SORCS3: variants seen among roughly 807,000 people sequenced by gnomAD.
SORCS3 encodes the protein VPS10 domain-containing receptor SorCS3.
In SORCS3, 57 loss-of-function variants were observed where a neutral mutation model predicts 146.3. The observed-to-expected ratio is 0.39, with a 90% CI of 0.31 to 0.49. SORCS3 has a LOEUF of 0.49. SORCS3 is among the 20% of genes least tolerant of loss of function. The pLI, the probability that SORCS3 is intolerant of heterozygous loss-of-function variation, is 0.92. For missense variants in SORCS3, 1,341 were observed against 1,575.5 expected, an observed-to-expected ratio of 0.85 and a Z score of 2.52; for synonymous variants, 653 against 618.5, an observed-to-expected ratio of 1.06 and a Z score of -0.83.
intron 4 of SORCS3, among the ~76,000 whole-genome samples, chr10:105,031,372 T>C (rs1346868510): frequency 6.6e-6 from 1 of 151,848 alleles, no homozygotes; most frequent in African/African-American, 2.4e-5. Context: ...CAAAAACATG[T>C]ATGTTTGTTT....
At chr10:105,145,295 A>C (rs2056123149) in intron 8 of SORCS3, among the ~76,000 whole-genome samples, 1 of 152,080 alleles carries the variant, frequency 6.6e-6, no homozygotes, top group Non-Finnish European at 1.5e-5. Context: ...TAGCTTTGGC[A>C]AATTAAGGAA....
chr10:105,051,520 C>T (rs1475942185), intron 5 of SORCS3, among the ~76,000 whole-genome samples: 1 of 152,098 alleles, frequency 6.6e-6, no homozygotes. Flanking sequence ...CTTAAAGACT[C>T]AGCTGCCAAG....
chr10:104,840,857 A>G (rs538601453), intron 1 of SORCS3, among the ~76,000 whole-genome samples: 1 of 9,894 alleles, frequency 1.0e-4, no homozygotes, highest in South Asian at 3.2e-3. Context: ...AAAAAATGAA[A>G]TGGTCTGACT....
At chr10:105,097,215 C>T (rs1448114180) in intron 6 of SORCS3, among the ~76,000 whole-genome samples, 1 of 152,228 alleles carries the variant, frequency 6.6e-6, no homozygotes, top group Admixed American at 6.5e-5. Flanking sequence ...TACTCCTAGT[C>T]TCCCTCTATA....
chr10:105,105,550 T>C, intron 7 of SORCS3, 35 bp downstream of exon 7: 1 of 1,475,606 alleles, frequency 6.8e-7, no homozygotes. Flanking sequence ...GGTAGGAGGA[T>C]GCATCGTTGA....
intron 1 of SORCS3, among the ~76,000 whole-genome samples, chr10:104,656,830 G>A (rs1303392145): frequency 6.6e-6 from 1 of 152,214 alleles, no homozygotes; most frequent in African/African-American, 2.4e-5. Flanking sequence ...TAGCTGGAGA[G>A]GTTGATGGCT....
At chr10:105,216,827 G>A in intron 18 of SORCS3, 109 bp from the exon 19 acceptor site, 1 of 1,060,398 alleles carries the variant, frequency 9.4e-7, no homozygotes, top group Non-Finnish European at 1.4e-6. Context: ...CAGCCCTTTG[G>A]GAAAGACTAT....
intron 7 of SORCS3, among the ~76,000 whole-genome samples, chr10:105,119,173 T>C (rs7088615): frequency 0.51 from 77,335 of 152,014 alleles, 19,963 homozygotes; most frequent in Admixed American, 0.55. Flanking sequence ...AAGGGACCAA[T>C]GTACAGCTCA....
At chr10:104,878,981 T>C (rs1429232167) in intron 2 of SORCS3, among the ~76,000 whole-genome samples, 1 of 152,088 alleles carries the variant, frequency 6.6e-6, no homozygotes, top group African/African-American at 2.4e-5. Flanking sequence ...ATCAGCAAAT[T>C]CGGTGGTTCT....
chr10:104,900,566 A>T (rs2018841440), intron 2 of SORCS3, among the ~76,000 whole-genome samples: 1 of 152,108 alleles, frequency 6.6e-6, no homozygotes, highest in South Asian at 2.1e-4. Flanking sequence ...TATTCTACTG[A>T]TCTGAACTTA....
chr10:105,227,706 T>G (rs986751719), intron 20 of SORCS3, among the ~76,000 whole-genome samples: 4 of 152,160 alleles, frequency 2.6e-5, no homozygotes. Context: ...ATATTTGCTT[T>G]GTATATCTGG....
intron 3 of SORCS3, among the ~76,000 whole-genome samples, chr10:104,940,241 T>TTA (rs2019304932): frequency 3.0e-5 from 1 of 33,572 alleles, no homozygotes; most frequent in Non-Finnish European, 4.8e-5. Flanking sequence ...TATATATATT[T>TTA]TTTTTTTTTT....
At position 105,263,345 on chromosome 10, in the gene SORCS3, A is replaced by G. The variant is rs2056972783; in HGVS notation, c.3640A>G (p.Lys1214Glu). ...IATIANSEST[K>E]EIPNCTSV ...CACTATTGCAAACAGCGAAAGCACA[A>G]AGGAGATCCCCAACTGCACTAGTGT... The change falls in exon 27 of 27, where the codon AAG becomes GAG. Residue 1214 changes from lysine (K) to glutamate (E), a missense_variant. Coordinates refer to ENST00000369701, the MANE Select transcript of SORCS3 (RefSeq NM_014978.3). 1.9e-6 allele frequency: 3 copies of G among 1,614,114 alleles called. No individual in the cohort carries two copies. The highest frequency in any genetic ancestry group is 2.5e-6 in the Non-Finnish European group (3 of 1,179,958).
intron 7 of SORCS3, among the ~76,000 whole-genome samples, chr10:105,113,779 T>A (rs2055874366): frequency 6.6e-6 from 1 of 152,196 alleles, no homozygotes; most frequent in Admixed American, 6.5e-5. Flanking sequence ...GTCAGTTCCT[T>A]TTCTGTGTAG....
At chr10:105,100,289 C>A (rs791107) in intron 6 of SORCS3, among the ~76,000 whole-genome samples, 24,178 of 152,156 alleles carry the variant, frequency 0.16, 2,129 homozygotes, top group Middle Eastern at 0.2. Flanking sequence ...ATATATTAAG[C>A]ATGAAGATTA....
At chr10:104,742,152 T>A (rs190723611) in intron 1 of SORCS3, among the ~76,000 whole-genome samples, 236 of 151,768 alleles carry the variant, frequency 1.6e-3, no homozygotes, top group Non-Finnish European at 1.1e-3. Context: ...CAGGTGAGGG[T>A]GGAAGTTAGT....
chr10:105,215,270 T>A (rs2056658296), intron 18 of SORCS3, among the ~76,000 whole-genome samples: 1 of 152,208 alleles, frequency 6.6e-6, no homozygotes, highest in Non-Finnish European at 1.5e-5. Context: ...TTGAATTGCT[T>A]CCTATACTAG....
chr10:105,147,533 A>G (rs2056139626), intron 8 of SORCS3, 84 bp from the exon 9 acceptor site: 2 of 1,225,344 alleles, frequency 1.6e-6, no homozygotes, highest in African/African-American at 3.1e-5. Context: ...CAGCAATTTC[A>G]TAAGTCATAG....
intron 6 of SORCS3, among the ~76,000 whole-genome samples, chr10:105,099,332 A>G (rs1188089720): frequency 1.3e-5 from 2 of 152,168 alleles, no homozygotes; most frequent in African/African-American, 4.8e-5. Flanking sequence ...CACTTTTTCA[A>G]TTTGTGACAA....
Sources: allele counts gnomAD v4.1 joint callset (sites outside exome capture counted in the v4.1 genomes callset), GRCh38; gene constraint gnomAD v4.1.1; transcripts MANE v1.5; gene names NCBI Gene and HGNC (gene_info 2026-07-23, HGNC 2026-07-21).